The following NWD1 variants were observed in gnomAD, a reference collection of about 807,000 sequenced individuals.
NWD1 encodes the protein NACHT domain- and WD repeat-containing protein 1.
Under a neutral mutation model 135.1 loss-of-function variants are expected in NWD1, and 129 were observed. The ratio of observed to expected loss-of-function variants is 0.96; its 90% CI spans 0.83 to 1.11. NWD1 has a LOEUF of 1.11. NWD1 is among the 50% of genes least tolerant of loss of function. The pLI is 0.00. For missense variants in NWD1, 1,740 were observed against 1,851.3 expected, an observed-to-expected ratio of 0.94 and a Z score of 1.10; for synonymous variants, 773 against 786.0, an observed-to-expected ratio of 0.98 and a Z score of 0.28.
Position 16,815,342 on chromosome 19 carries a change from A to T in NWD1, c.*303A>T, listed in dbSNP as rs1307355840. 2 of 735,636 alleles carry T rather than the reference A, an allele frequency of 2.7e-6. No homozygotes were observed. Among genetic ancestry groups the T allele is most frequent in the Non-Finnish European group, 2.5e-6 (1 of 400,278 alleles). 45.6% of individuals were successfully genotyped at this position (735,636 alleles called of 1,614,324 possible). A position where few individuals can be genotyped will look rare whatever the true frequency, so the allele number is the denominator to read the frequency against. ...CCTGATAGTGTAAAAAAATAAAAAT[A>T]AAAAAACCCTGTGGGGGTATGGGGC... is the stretch of plus-strand genomic sequence containing the variant. On this transcript the variant is annotated 3_prime_UTR_variant, in exon 19 of 19. Coordinates refer to ENST00000524140, the MANE Select transcript of NWD1 (RefSeq NM_001007525.5).
chr19:16,803,727 G>A (rs1970669321), intron 17 of NWD1, among the ~76,000 whole-genome samples: 1 of 150,610 alleles, frequency 6.6e-6, no homozygotes, highest in Non-Finnish European at 1.5e-5. Flanking sequence ...GACCAGCCTG[G>A]CCAACATGGC....
chr19:16,720,633 C>T (rs758480936), intron 1 of NWD1, among the ~76,000 whole-genome samples: 5 of 152,058 alleles, frequency 3.3e-5, no homozygotes, highest in Admixed American at 6.6e-5. Context: ...TCAGTTACTG[C>T]AAGCTCTGCC....
intron 6 of NWD1, among the ~76,000 whole-genome samples, chr19:16,757,374 G>A (rs916906473): frequency 1.3e-5 from 2 of 152,144 alleles, no homozygotes; most frequent in African/African-American, 2.4e-5. Flanking sequence ...GGAGGGGCTG[G>A]TTGGGAGAGC....
chr19:16,815,297 A>T lies in NWD1; in HGVS notation c.*258A>T. The T allele has an allele frequency of 1.3e-6, 1 of 780,938 alleles. No homozygotes were observed. The highest frequency in any genetic ancestry group is 1.3e-5 in the South Asian group (1 of 74,608). The allele number at this position is 780,938 out of a possible 1,614,324, so 48.4% of individuals were successfully genotyped here. A position where few individuals can be genotyped will look rare whatever the true frequency, so the allele number is the denominator to read the frequency against. On this transcript the variant is annotated 3_prime_UTR_variant, in exon 19 of 19. Transcript: ENST00000524140. ...TGCCCAGGGAAATGAAACCAAATCA[A>T]ACAAATGCTCACAAGTGTGCCTGAT...
intron 14 of NWD1, among the ~76,000 whole-genome samples, chr19:16,792,912 G>T (rs550837459): frequency 6.7e-6 from 1 of 149,588 alleles, no homozygotes; most frequent in East Asian, 2.0e-4. Context: ...AATCATGGTG[G>T]TGCATACTTG....
chr19:16,741,320 T>C (rs1469172779), intron 4 of NWD1, among the ~76,000 whole-genome samples: 1 of 151,968 alleles, frequency 6.6e-6, no homozygotes, highest in Non-Finnish European at 1.5e-5. Flanking sequence ...CTCTGCCTAA[T>C]AAACTCCTTT....
intron 17 of NWD1, among the ~76,000 whole-genome samples, chr19:16,803,828 G>A (rs1294543498): frequency 6.6e-6 from 1 of 151,940 alleles, no homozygotes; most frequent in Non-Finnish European, 1.5e-5. Flanking sequence ...GGGAGGCTGA[G>A]GCAGGATAAT....
Position 16,736,656 on chromosome 19 carries a change from T to C in NWD1, c.104T>C (p.Ile35Thr). ...MFEVVDLRWG[I>T]RNIEATDHLT... is the part of the protein sequence containing the mutation. ...CAGGTCGTTGATCTGAGGTGGGGTATTCGGAACATTGAAGCCACTGACCAC... is the reference window on the plus strand; with the variant it reads ...CAGGTCGTTGATCTGAGGTGGGGTACTCGGAACATTGAAGCCACTGACCAC... The change falls in exon 4 of 19, where the codon ATT (isoleucine) becomes ACT (threonine). Residue 35 changes from isoleucine to threonine, a missense_variant. Ile to Thr is a moderately conservative substitution (Grantham distance 89). Transcript: ENST00000524140. 1 of 1,535,624 alleles carries C rather than the reference T, an allele frequency of 6.5e-7. No homozygotes were observed. Among genetic ancestry groups the C allele is most frequent in the South Asian group, 1.2e-5 (1 of 84,056 alleles).
intron 17 of NWD1, among the ~76,000 whole-genome samples, chr19:16,803,786 G>A (rs958247081): frequency 6.6e-6 from 1 of 151,518 alleles, no homozygotes; most frequent in East Asian, 1.9e-4. Flanking sequence ...TTATCTGGGC[G>A]TGGTGGTGTG....
chr19:16,804,738 C>T (rs1970702551), intron 17 of NWD1, among the ~76,000 whole-genome samples: 1 of 151,884 alleles, frequency 6.6e-6, no homozygotes, highest in African/African-American at 2.4e-5. Context: ...TGGTGAGTGT[C>T]CTCTTTCTGG....
chr19:16,792,573 T>C (rs544463100), intron 14 of NWD1, among the ~76,000 whole-genome samples: 116 of 152,078 alleles, frequency 7.6e-4, no homozygotes, highest in Non-Finnish European at 1.3e-3. Flanking sequence ...TCCCAACTAC[T>C]TGGGAGGCTG....
At chr19:16,782,284 T>TAA (rs35838598) in intron 12 of NWD1, among the ~76,000 whole-genome samples, 5,492 of 76,092 alleles carry the variant, frequency 0.072, 198 homozygotes, top group South Asian at 0.12. Flanking sequence ...ACGTCACCTC[T>TAA]AAAAAAAAAA....
In NWD1 at chr19:16,817,468, G is replaced by T. The variant is rs1002327890; in HGVS notation, c.*2429G>T. 6.6e-6 allele frequency: 1 copy of T among 150,844 alleles called. No individual in the cohort carries two copies. Among genetic ancestry groups the T allele is most frequent in the Middle Eastern group, 3.4e-3 (1 of 296 alleles). 9.3% of individuals were successfully genotyped at this position (150,844 alleles called of 1,614,324 possible). On this transcript the variant is annotated 3_prime_UTR_variant, in exon 19 of 19. Coordinates refer to ENST00000524140, the MANE Select transcript of NWD1 (RefSeq NM_001007525.5). ...AATACAAAAATTAGCCTGGTGTGGT[G>T]ACGTACACCTGTAATTCCAGCTACT...
rs975614890 is a variant in NWD1, at chr19:16,749,657, C to T, written c.1015C>T (p.Leu339Phe). Residue 339 changes from leucine (L) to phenylalanine (F), a missense_variant, in exon 6 of 19, where the codon CTC becomes TTC. Coordinates refer to ENST00000524140, the MANE Select transcript of NWD1 (RefSeq NM_001007525.5). ...CAGCAAGCAGCACACCCCCCTGGTA[C>T]TCTTTGGGCCCCCAGGCATTGGAAA... ...DDSKQHTPLV[L>F]FGPPGIGKTA... 1.2e-5 allele frequency: 20 copies of T among 1,602,696 alleles called. No homozygotes were observed. Among genetic ancestry groups the T allele is most frequent in the South Asian group, 2.2e-5 (2 of 90,046 alleles).
intron 15 of NWD1, 132 bp downstream of exon 15, chr19:16,794,685 A>G (rs1970362536): frequency 1.5e-6 from 1 of 680,712 alleles, no homozygotes; most frequent in Non-Finnish European, 2.7e-6. Context: ...ATGGCCTCAT[A>G]GTAAACATTT....
At chr19:16,811,997 C>T (rs1970940022) in intron 18 of NWD1, among the ~76,000 whole-genome samples, 1 of 152,094 alleles carries the variant, frequency 6.6e-6, no homozygotes, top group Non-Finnish European at 1.5e-5. Flanking sequence ...GCCTCAGGAA[C>T]AGAGCGAGAT....
intron 18 of NWD1, among the ~76,000 whole-genome samples, chr19:16,809,308 C>A (rs929068973): frequency 3.9e-5 from 6 of 151,976 alleles, no homozygotes; most frequent in Admixed American, 3.9e-4. Flanking sequence ...GAACTCCTGG[C>A]CTCAAGTGAC....
rs539174819 is a variant in NWD1 at position 16,719,998 on chromosome 19, A to G, written c.-400A>G. On this transcript the variant is annotated 5_prime_UTR_variant, in exon 1 of 19. Coordinates refer to ENST00000524140, the MANE Select transcript of NWD1 (RefSeq NM_001007525.5). ...CCAGAGGAGTCTAAATTGGTCGTTC[A>G]ACTACCAGCAAAGGCTAAAGAGAGG... 6.6e-6 allele frequency: 1 copy of G among 152,350 alleles called. No individual in the cohort carries two copies. Among genetic ancestry groups the G allele is most frequent in the East Asian group, 1.9e-4 (1 of 5,176 alleles). 9.4% of individuals were successfully genotyped at this position (152,350 alleles called of 1,614,324 possible). A position where few individuals can be genotyped will look rare whatever the true frequency, so the allele number is the denominator to read the frequency against.
intron 12 of NWD1, among the ~76,000 whole-genome samples, chr19:16,780,553 A>G (rs1306694148): frequency 6.6e-6 from 1 of 152,136 alleles, no homozygotes; most frequent in Non-Finnish European, 1.5e-5. Context: ...TCTTGACCAA[A>G]GGAATTCACA....
Sources: allele counts gnomAD v4.1 joint callset (sites outside exome capture counted in the v4.1 genomes callset), GRCh38; gene constraint gnomAD v4.1.1; transcripts MANE v1.5; gene names NCBI Gene and HGNC (gene_info 2026-07-23, HGNC 2026-07-21).